Variants in LTO1 observed in about 807,000 individuals in gnomAD.
The protein encoded by LTO1 is protein LTO1 homolog.
In LTO1, 18 loss-of-function variants were observed where a neutral mutation model predicts 19.8. The observed-to-expected ratio is 0.91, with a 90% confidence interval of 0.63 to 1.35. The LOEUF (loss-of-function observed/expected upper bound fraction) is 1.35, where lower values mean the gene tolerates loss of function less well. Ranked by LOEUF, LTO1 falls within the 40% of genes most tolerant of loss-of-function variation. The pLI, the probability that LTO1 is intolerant of heterozygous loss-of-function variation, is 0.00. For synonymous variants in LTO1, 59 were observed against 59.6 expected, an observed-to-expected ratio of 0.99 and a Z score of 0.05; for missense variants, 175 against 167.9, an observed-to-expected ratio of 1.04 and a Z score of -0.23.
At chr11:69,669,733 G>A (rs1372371635) in intron 3 of LTO1, among the ~76,000 whole-genome samples, 1 of 152,196 alleles carries the variant, frequency 6.6e-6, no homozygotes, top group African/African-American at 2.4e-5. Flanking sequence ...CAGAGCCCCC[G>A]TGCTCAGCCC....
intron 2 of LTO1, chr11:69,672,866 G>A (rs1856126788): frequency 1.1e-5 from 4 of 353,270 alleles, no homozygotes; most frequent in South Asian, 6.8e-5. Flanking sequence ...GCAATGGCAC[G>A]GTCCCGGCTT....
rs1279820656 is a variant in LTO1, at chr11:69,667,559, T to G, written c.374A>C (p.Asp125Ala). 1 of 1,612,010 alleles carries G rather than the reference T, an allele frequency of 6.2e-7. No homozygotes were observed. Among genetic ancestry groups the G allele is most frequent in the Admixed American group, 1.7e-5 (1 of 60,002 alleles). The change falls in exon 5 of 5, where the codon GAC becomes GCC. Residue 125 changes from aspartate (D) to alanine (A), a missense_variant. Coordinates refer to ENST00000279147, the MANE Select transcript of LTO1 (RefSeq NM_153451.3). ...QFCSLLNVQP[D>A]FKISAEGSGL... ...GGAACCTTCTGCACTAATTTTAAAG[T>G]CTGGCTGAACATTGAGTAACGAACA...
At position 69,675,160 on chromosome 11, in the gene LTO1, G is replaced by A. The variant is rs188627717; in HGVS notation, c.50+30C>T. The A allele has an allele frequency of 1.5e-3, 2,358 of 1,587,866 alleles. 40 individuals are homozygous for A. The African/African-American group carries it at 0.029, about 19-fold the overall frequency. ...AGCCGCTGGGAGACGACCAGACAGG[G>A]CGGGGTGCGGGCCCGGCCTCACCAC... On this transcript the variant is annotated intron_variant, in intron 1 of 4. Transcript: ENST00000279147.
chr11:69,667,713 C>A, intron 4 of LTO1, 126 bp from the exon 5 acceptor site: 2 of 750,564 alleles, frequency 2.7e-6, no homozygotes, highest in Admixed American at 2.2e-5. Flanking sequence ...GTTCTAACTC[C>A]TTTTCTCTGG....
intron 2 of LTO1, chr11:69,672,812 T>C (rs1440123226): frequency 3.2e-6 from 1 of 312,494 alleles, no homozygotes; most frequent in Admixed American, 4.3e-5. Context: ...TTTTTTTGTT[T>C]ATTTTTTGGA....
rs201335266 is a variant in LTO1, at chr11:69,667,942, C to T, written c.298G>A (p.Asp100Asn). ...TTGTCTAAGTCTTCATGGAGTTTAT[C>T]GTAAGTAGGGTCATCATAAGGGAAT... Reference protein sequence around the residue: ...QKFPYDDPTYDKLHEDLDKIR... With the variant: ...QKFPYDDPTYNKLHEDLDKIR... Residue 100 changes from aspartate (D) to asparagine (N), a missense_variant, in exon 4 of 5, where the codon GAT (aspartate) becomes AAT (asparagine). Physicochemically the swap from Asp to Asn is conservative, Grantham distance 23. Coordinates refer to ENST00000279147, the MANE Select transcript of LTO1 (RefSeq NM_153451.3). 5.3e-5 allele frequency: 85 copies of T among 1,593,706 alleles called. No homozygotes were observed. The East Asian group carries it at 1.7e-3, about 31-fold the overall frequency.
Position 69,671,817 on chromosome 11 carries a change from G to A in LTO1, c.159C>T (p.Ile53=), listed in dbSNP as rs554259450. The change falls in exon 3 of 5, where the codon ATC becomes ATT. Residue 53 remains isoleucine (I), a splice_region_variant and synonymous_variant. Transcript: ENST00000279147. ...CAAAAGCAAAACCTTGGTAGCACCC[G>A]ATCTGTGAATGTGAAAAATATTTAA... ...TLHGAKIGSE[I]GCYQGFAFAW... 23 of 1,571,312 alleles carry A rather than the reference G, an allele frequency of 1.5e-5. No individual in the cohort carries two copies. Among genetic ancestry groups the A allele is most frequent in the African/African-American group, 4.0e-5 (3 of 74,176 alleles).
intron 3 of LTO1, among the ~76,000 whole-genome samples, chr11:69,670,588 T>C (rs989941865): frequency 1.3e-5 from 2 of 152,210 alleles, no homozygotes; most frequent in Non-Finnish European, 2.9e-5. Flanking sequence ...GTTGCAAGCA[T>C]CCTCATTCTT....
In LTO1 at chr11:69,673,689, CTT is replaced by C. The variant is rs71046532; in HGVS notation, c.51-370_51-369del. On this transcript the variant is annotated intron_variant, in intron 1 of 4. Coordinates refer to ENST00000279147, the MANE Select transcript of LTO1 (RefSeq NM_153451.3). ...CCCTGGAATCTACTTTTCTTTCTTC[CTT>C]TTTTTTTTTTTTTTTTTTGAGACAG... Among the ~76,000 whole-genome samples the C allele has an allele frequency of 5.8e-3, 706 of 121,210 alleles. 5 individuals are homozygous for C. The highest frequency in any genetic ancestry group is 0.02 in the African/African-American group (667 of 32,860). 79.5% of individuals were successfully genotyped at this position (121,210 alleles called of 152,430 possible).
In LTO1 at chr11:69,666,067, A is replaced by G. The variant is rs1856028034; in HGVS notation, c.*1452T>C. ...CTACTAGGGAGGCTGAGGCAGGAGAATCACTTGAATTCAGGAGGCGGAGGT... is the reference window on the plus strand; with the variant it reads ...CTACTAGGGAGGCTGAGGCAGGAGAGTCACTTGAATTCAGGAGGCGGAGGT... On this transcript the variant is annotated 3_prime_UTR_variant, in exon 5 of 5. Transcript: ENST00000279147. 1 of 152,268 alleles carries G rather than the reference A, an allele frequency of 6.6e-6. No homozygotes were observed. The highest frequency in any genetic ancestry group is 2.1e-4 in the South Asian group (1 of 4,822). The allele number at this position is 152,268 out of a possible 1,614,324, so 9.4% of individuals were successfully genotyped here.
At position 69,670,342 on chromosome 11, in the gene LTO1, C is replaced by T. The variant is rs548046725; in HGVS notation, c.227+1407G>A. 2.5e-3 allele frequency among the ~76,000 whole-genome samples: 384 copies of T among 152,328 alleles called. 2 individuals carry two copies. Among genetic ancestry groups the T allele is most frequent in the South Asian group, 7.2e-3 (35 of 4,830 alleles). Reference sequence around the variant, plus strand: ...GCCGCTGTGGGAGAAGGGAGACAGGCGGAGAACTCCAAGAACACACATCCT... The same window carrying T: ...GCCGCTGTGGGAGAAGGGAGACAGGTGGAGAACTCCAAGAACACACATCCT... On this transcript the variant is annotated intron_variant, in intron 3 of 4. Coordinates refer to ENST00000279147, the MANE Select transcript of LTO1 (RefSeq NM_153451.3).
intron 3 of LTO1, among the ~76,000 whole-genome samples, chr11:69,669,483 G>A (rs1239618863): frequency 6.6e-6 from 1 of 152,206 alleles, no homozygotes; most frequent in Non-Finnish European, 1.5e-5. Flanking sequence ...AAAGGTCAAA[G>A]CAAGTCAGTT....
At chr11:69,674,179 G>C (rs541012010) in intron 1 of LTO1, among the ~76,000 whole-genome samples, 135 of 152,296 alleles carry the variant, frequency 8.9e-4, no homozygotes, top group African/African-American at 3.2e-3. Flanking sequence ...AAGTCTCCTA[G>C]ATAAGTCTGG....
chr11:69,674,913 G>C (rs980297049), intron 1 of LTO1: 1 of 678,268 alleles, frequency 1.5e-6, no homozygotes. Context: ...CCTCGGAGGA[G>C]GGGAACCACC....
intron 3 of LTO1, among the ~76,000 whole-genome samples, chr11:69,669,969 G>C (rs1303296794): frequency 2.0e-5 from 3 of 151,546 alleles, no homozygotes; most frequent in Non-Finnish European, 4.4e-5. Flanking sequence ...AAAATTTACA[G>C]GTAAAACATG....
chr11:69,673,093 G>A (rs1007832997), intron 2 of LTO1, 123 bp downstream of exon 2: 12 of 736,776 alleles, frequency 1.6e-5, no homozygotes, highest in South Asian at 5.8e-5. Context: ...GTGAGTCACC[G>A]CGCCCATCCG....
chr11:69,669,119 C>T lies in LTO1; in HGVS notation c.228-1107G>A, dbSNP rs573911210. ...GTTAGTCTCTTGGTCTCTTGGTTTC[C>T]TCTGGATCCTAGAGATCAGGGCTCT... is the stretch of plus-strand genomic sequence containing the variant. On this transcript the variant is annotated intron_variant, in intron 3 of 4. Coordinates refer to ENST00000279147, the MANE Select transcript of LTO1 (RefSeq NM_153451.3). Among the ~76,000 whole-genome samples, 4 of 151,970 alleles carry T rather than the reference C, an allele frequency of 2.6e-5. 1 individual carries two copies. The South Asian group carries it at 6.2e-4, about 24-fold the overall frequency.
In LTO1 at chr11:69,675,163, G is replaced by A. The variant is rs762422675; in HGVS notation, c.50+27C>T. ...CGCTGGGAGACGACCAGACAGGGCG[G>A]GGTGCGGGCCCGGCCTCACCACCCA... is the stretch of plus-strand genomic sequence containing the variant. On this transcript the variant is annotated intron_variant, in intron 1 of 4. Transcript: ENST00000279147. 2.3e-5 allele frequency: 37 copies of A among 1,589,058 alleles called. No individual in the cohort carries two copies. In the Admixed American group the frequency reaches 4.8e-4, roughly 21 times the overall value.
intron 1 of LTO1, chr11:69,674,487 T>C: frequency 6.0e-6 from 2 of 330,920 alleles, no homozygotes; most frequent in South Asian, 4.8e-5. Flanking sequence ...AATAGTTGTG[T>C]GACCCTGGAA....
Sources: allele counts gnomAD v4.1 joint callset (sites outside exome capture counted in the v4.1 genomes callset), GRCh38; gene constraint gnomAD v4.1.1; transcripts MANE v1.5; gene names NCBI Gene and HGNC (gene_info 2026-07-23, HGNC 2026-07-21).